Variants in RAB2B observed in about 807,000 individuals in gnomAD.
RAB2B encodes RAB2B, member RAS oncogene family.
Under a neutral mutation model 29.8 loss-of-function variants are expected in RAB2B, and 20 were observed. The ratio of observed to expected loss-of-function variants is 0.67; its 90% CI spans 0.47 to 0.97. RAB2B has a LOEUF of 0.97. Among genes scored for constraint, RAB2B ranks in the 50% least tolerant of loss-of-function variants. RAB2B has a pLI of 0.00. For synonymous variants in RAB2B, 93 were observed against 91.7 expected (o/e 1.01, Z -0.08); for missense variants, 218 against 272.0 (o/e 0.80, Z 1.40).
Position 21,468,708 on chromosome 14 carries a change from C to T in RAB2B, c.231G>A (p.Arg77=). Residue 77 remains arginine, a synonymous_variant, in exon 4 of 8, where the codon AGG becomes AGA. Coordinates refer to ENST00000397762, the MANE Select transcript of RAB2B (RefSeq NM_032846.4). ...SFRSITRSYY[R]GAAGALLVYD... is the part of the protein sequence containing the mutation. ...ACACCAGCAGTGCTCCAGCTGCTCC[C>T]CTGTAGTAGGAACGGGTGATAGAAC... 1.9e-6 allele frequency: 3 copies of T among 1,578,900 alleles called. No individual in the cohort carries two copies. Among genetic ancestry groups the T allele is most frequent in the East Asian group, 2.2e-5 (1 of 44,608 alleles).
chr14:21,473,789 G>A (rs1212473839), intron 3 of RAB2B, among the ~76,000 whole-genome samples: 1 of 151,898 alleles, frequency 6.6e-6, no homozygotes, highest in African/African-American at 2.4e-5. Flanking sequence ...GAGGCGGGCG[G>A]ATCACGAGGT....
intron 5 of RAB2B, among the ~76,000 whole-genome samples, chr14:21,466,643 G>C (rs1890693478): frequency 6.6e-6 from 1 of 152,120 alleles, no homozygotes; most frequent in African/African-American, 2.4e-5. Context: ...TCAACACAAG[G>C]ATACTTACTA....
intron 3 of RAB2B, among the ~76,000 whole-genome samples, chr14:21,473,297 A>C (rs1186150243): frequency 2.0e-5 from 3 of 152,218 alleles, no homozygotes; most frequent in Non-Finnish European, 4.4e-5. Flanking sequence ...TAAGCAAAAA[A>C]AGTAAGAGAT....
At chr14:21,469,595 T>G (rs1278110943) in intron 3 of RAB2B, among the ~76,000 whole-genome samples, 1 of 152,200 alleles carries the variant, frequency 6.6e-6, no homozygotes, top group Non-Finnish European at 1.5e-5. Context: ...TTTTTTCCTT[T>G]AGGGAAAACA....
At position 21,460,914 on chromosome 14, in the gene RAB2B, T is replaced by G; in HGVS notation, c.*282A>C. 2 of 204,760 alleles carry G rather than the reference T, an allele frequency of 9.8e-6. No homozygotes were observed. The highest frequency in any genetic ancestry group is 2.0e-5 in the Non-Finnish European group (2 of 102,158). 12.7% of individuals were successfully genotyped at this position (204,760 alleles called of 1,614,324 possible). A position where few individuals can be genotyped will look rare whatever the true frequency, so the allele number is the denominator to read the frequency against. The stretch of plus-strand genomic sequence containing the variant: ...AGGCATGAGCCATGGCGCCCCGCCA[T>G]GAAATTATTTTTTAACTACTGTGAT... On this transcript the variant is annotated 3_prime_UTR_variant, in exon 8 of 8. Coordinates refer to ENST00000397762, the MANE Select transcript of RAB2B (RefSeq NM_032846.4).
Position 21,476,909 on chromosome 14 carries a change from T to A in RAB2B, c.-37A>T, listed in dbSNP as rs1161490940. 6.2e-7 allele frequency: 1 copy of A among 1,610,912 alleles called. No homozygotes were observed. The highest frequency in any genetic ancestry group is 2.2e-5 in the East Asian group (1 of 44,854). On this transcript the variant is annotated 5_prime_UTR_variant, in exon 1 of 8. Coordinates refer to ENST00000397762, the MANE Select transcript of RAB2B (RefSeq NM_032846.4). ...CTCTGGGTTCCGGGTCCGCCCGACT[T>A]CTATAGCCACTTACCTCCGACCTCT...
chr14:21,463,984 C>T (rs926873866), intron 5 of RAB2B, among the ~76,000 whole-genome samples: 2 of 152,142 alleles, frequency 1.3e-5, no homozygotes, highest in African/African-American at 4.8e-5. Flanking sequence ...GAAGATAATA[C>T]CTCACTCTAT....
chr14:21,473,942 G>A (rs961714750), intron 3 of RAB2B, among the ~76,000 whole-genome samples: 1 of 152,166 alleles, frequency 6.6e-6, no homozygotes, highest in African/African-American at 2.4e-5. Flanking sequence ...AACCCGGGAG[G>A]CGGAGCTTGC....
chr14:21,468,603 GAA>G (rs35440295), intron 4 of RAB2B, 65 bp downstream of exon 4: 1,581 of 1,070,176 alleles, frequency 1.5e-3, no homozygotes, highest in South Asian at 2.9e-3. Flanking sequence ...TCAGTAGATA[GAA>G]AAAAAAAAAA....
intron 2 of RAB2B, chr14:21,476,234 C>G (rs1473782651): frequency 5.8e-6 from 2 of 342,330 alleles, no homozygotes; most frequent in Non-Finnish European, 1.1e-5. Context: ...CATAAATAAG[C>G]AGTTATGCTT....
At chr14:21,462,244 A>C (rs1335224905) in intron 7 of RAB2B, 106 bp downstream of exon 7, 3 of 878,958 alleles carry the variant, frequency 3.4e-6, no homozygotes, top group Non-Finnish European at 5.0e-6. Context: ...AGAGCTTTTA[A>C]ATTGTATAAT....
At chr14:21,473,836 C>A (rs1023111849) in intron 3 of RAB2B, among the ~76,000 whole-genome samples, 4 of 151,998 alleles carry the variant, frequency 2.6e-5, no homozygotes, top group Non-Finnish European at 4.4e-5. Flanking sequence ...CACGGTGAAA[C>A]CCCCTCTCTA....
At chr14:21,464,518 A>C (rs1487457222) in intron 5 of RAB2B, among the ~76,000 whole-genome samples, 2 of 152,222 alleles carry the variant, frequency 1.3e-5, no homozygotes, top group Admixed American at 1.3e-4. Context: ...CAAGAAGAGA[A>C]TGAGCCAGGA....
intron 3 of RAB2B, among the ~76,000 whole-genome samples, chr14:21,469,137 A>C (rs1890750044): frequency 6.6e-6 from 1 of 152,014 alleles, no homozygotes; most frequent in Admixed American, 6.6e-5. Flanking sequence ...AGGACTGGAA[A>C]CGGAGTGTAT....
chr14:21,459,855 C>A lies in RAB2B; in HGVS notation c.*1341G>T. On this transcript the variant is annotated 3_prime_UTR_variant, in exon 8 of 8. Transcript: ENST00000397762. ...GATTAGCCTGATTGGAGTAGAAAGT[C>A]TAGGTCTAGTTAAGAAGGGAGTTTG... is the stretch of plus-strand genomic sequence containing the variant. 4.0e-6 allele frequency: 1 copy of A among 250,588 alleles called. No individual in the cohort carries two copies. Among genetic ancestry groups the A allele is most frequent in the South Asian group, 4.7e-5 (1 of 21,362 alleles). 15.5% of individuals were successfully genotyped at this position (250,588 alleles called of 1,614,324 possible).
chr14:21,471,239 C>T lies in RAB2B; in HGVS notation c.187-2487G>A, dbSNP rs532140335. Among the ~76,000 whole-genome samples the T allele has an allele frequency of 5.8e-4, 88 of 151,834 alleles. 3 individuals carry two copies. In the South Asian group the frequency reaches 0.018, roughly 31 times the overall value. On this transcript the variant is annotated intron_variant, in intron 3 of 7. Coordinates refer to ENST00000397762, the MANE Select transcript of RAB2B (RefSeq NM_032846.4). ...CAGTTCATGAGCCAAAGTTTGTGAA[C>T]CAGTAAGCTAGAAAGAGTGAGCAGT... is the stretch of plus-strand genomic sequence containing the variant.
intron 5 of RAB2B, among the ~76,000 whole-genome samples, chr14:21,466,992 C>T (rs566909891): frequency 3.9e-5 from 6 of 152,196 alleles, no homozygotes; most frequent in Admixed American, 2.0e-4. Flanking sequence ...CTGCAACCTC[C>T]GCCTCCCGAG....
chr14:21,472,736 T>G (rs1890849253), intron 3 of RAB2B, among the ~76,000 whole-genome samples: 1 of 152,132 alleles, frequency 6.6e-6, no homozygotes, highest in African/African-American at 2.4e-5. Flanking sequence ...CCTTTTTTGT[T>G]TGTTTTTCTA....
intron 1 of RAB2B, 108 bp downstream of exon 1, chr14:21,476,719 C>A: frequency 6.3e-7 from 1 of 1,596,142 alleles, no homozygotes; most frequent in East Asian, 2.2e-5. Context: ...CGAACCGCCC[C>A]GCCCGTCTCG....
Sources: gnomAD v4.1 joint callset for allele counts (sites outside exome capture counted in the v4.1 genomes callset) on GRCh38, gnomAD v4.1.1 for gene constraint, MANE v1.5 for transcripts, NCBI Gene and HGNC (gene_info 2026-07-23, HGNC 2026-07-21) for gene names.